TUBD1: variants seen among roughly 807,000 people sequenced by gnomAD.
TUBD1 encodes tubulin delta chain.
TUBD1 carries 38 observed loss-of-function variants against 51.2 expected under a neutral mutation model. That is an observed-to-expected ratio of 0.74 (90% CI 0.57 to 0.97). The LOEUF is 0.97. Ranked by LOEUF, TUBD1 falls within the 50% of genes least tolerant of loss-of-function variation. The pLI is 0.00. For missense variants in TUBD1, 489 were observed against 538.4 expected, an observed-to-expected ratio of 0.91 and a Z score of 0.91; for synonymous variants, 169 against 178.2, an observed-to-expected ratio of 0.95 and a Z score of 0.41.
At chr17:59,865,589 CAAGAAT>C (rs2039661307) in intron 7 of TUBD1, among the ~76,000 whole-genome samples, 1 of 151,996 alleles carries the variant, frequency 6.6e-6, no homozygotes, top group South Asian at 2.1e-4. Flanking sequence ...CACACACACA[CAAGAAT>C]AATAATGCTC....
rs909012295 is a variant in TUBD1 at position 59,861,724 on chromosome 17, G to A, written c.1260-1300C>T. ...GCACTGTTGCCTGGGCTGGAGTGCAGTGGCATCATCTTGGCTCACCACAAC... is the reference window on the plus strand; with the variant it reads ...GCACTGTTGCCTGGGCTGGAGTGCAATGGCATCATCTTGGCTCACCACAAC... On this transcript the variant is annotated intron_variant, in intron 8 of 8. Coordinates refer to ENST00000325752, the MANE Select transcript of TUBD1 (RefSeq NM_016261.4). 8.6e-4 allele frequency among the ~76,000 whole-genome samples: 131 copies of A among 151,716 alleles called. 1 individual carries two copies. The highest frequency in any genetic ancestry group is 2.1e-4 in the South Asian group (1 of 4,802).
chr17:59,871,030 T>C (rs745546936), intron 6 of TUBD1, among the ~76,000 whole-genome samples: 1 of 152,108 alleles, frequency 6.6e-6, no homozygotes, highest in Non-Finnish European at 1.5e-5. Flanking sequence ...GATAACAAAA[T>C]AGGATTGGGA....
chr17:59,880,691 T>C lies in TUBD1; in HGVS notation c.537+203A>G, dbSNP rs192923211. 7.2e-4 allele frequency among the ~76,000 whole-genome samples: 110 copies of C among 151,846 alleles called. 1 individual carries two copies. The highest frequency in any genetic ancestry group is 2.5e-3 in the African/African-American group (102 of 41,440). On this transcript the variant is annotated intron_variant, in intron 4 of 8. Transcript: ENST00000325752. ...CACCACGCCTGGCTAATTTTTTGTA[T>C]TGTTAGTAGAGACGGGGTTTCACCA...
At chr17:59,863,878 T>C in intron 7 of TUBD1, 31 bp from the exon 8 acceptor site, 1 of 1,418,550 alleles carries the variant, frequency 7.0e-7, no homozygotes, top group Non-Finnish European at 9.3e-7. Flanking sequence ...GCCGTCTTTT[T>C]ATAGCATAAA....
chr17:59,860,323 CAG>C lies in TUBD1; in HGVS notation c.1359_1360del (p.Ter454IlefsTer10), dbSNP rs1446192958. 29 of 1,597,624 alleles carry C rather than the reference CAG, an allele frequency of 1.8e-5. No individual in the cohort carries two copies. The highest frequency in any genetic ancestry group is 2.5e-5 in the Non-Finnish European group (29 of 1,169,140). ...GTATACTTTTCCCATTGTTCAAGAT[CAG>C]AGATTACAGTAACTGGCAACAACCT... is the stretch of plus-strand genomic sequence containing the variant. On this transcript the variant is annotated frameshift_variant and stop_lost, in exon 9 of 9. Coordinates refer to ENST00000325752, the MANE Select transcript of TUBD1 (RefSeq NM_016261.4). LOFTEE classifies it high-confidence loss of function.
At chr17:59,862,323 CAA>C (rs61036233) in intron 8 of TUBD1, among the ~76,000 whole-genome samples, 2 of 134,948 alleles carry the variant, frequency 1.5e-5, no homozygotes, top group African/African-American at 2.6e-5. Flanking sequence ...AACTCCATCT[CAA>C]AAAAAAAAAA....
intron 1 of TUBD1, among the ~76,000 whole-genome samples, chr17:59,891,492 G>C (rs892527799): frequency 6.6e-6 from 1 of 152,132 alleles, no homozygotes; most frequent in East Asian, 1.9e-4. Context: ...GAACAGCTGT[G>C]TTGTCTAAGG....
At chr17:59,862,092 G>C (rs1240366886) in intron 8 of TUBD1, among the ~76,000 whole-genome samples, 2 of 151,376 alleles carry the variant, frequency 1.3e-5, no homozygotes, top group African/African-American at 4.8e-5. Context: ...GGGAGGCCAA[G>C]GTGGGCGGAT....
In TUBD1 at chr17:59,886,487, C is replaced by T. The variant is rs569529927; in HGVS notation, c.173-257G>A. On this transcript the variant is annotated intron_variant, in intron 2 of 8. Coordinates refer to ENST00000325752, the MANE Select transcript of TUBD1 (RefSeq NM_016261.4). ...AAAAGAGTACCTGGGTCAGATTAGC[C>T]GGCGTGGTGGCATGTGCCTGTAATT... 8 of 326,482 alleles carry T rather than the reference C, an allele frequency of 2.5e-5. No individual in the cohort carries two copies. In the East Asian group the frequency reaches 3.6e-4, roughly 15 times the overall value. 20.2% of individuals were successfully genotyped at this position (326,482 alleles called of 1,614,324 possible).
intron 7 of TUBD1, 34 bp downstream of exon 7, chr17:59,866,575 A>C: frequency 1.2e-6 from 2 of 1,611,108 alleles, no homozygotes; most frequent in South Asian, 1.1e-5. Flanking sequence ...ACAGGTACAA[A>C]ATGTAAATCT....
chr17:59,886,490 C>T (rs1312905177), intron 2 of TUBD1: 5 of 317,228 alleles, frequency 1.6e-5, no homozygotes, highest in South Asian at 1.1e-4. Context: ...GATTAGCCGG[C>T]GTGGTGGCAT....
In TUBD1 at chr17:59,878,490, T is replaced by C. The variant is rs77278679; in HGVS notation, c.538-156A>G. 174 of 104,844 alleles carry C rather than the reference T, an allele frequency of 1.7e-3. 3 individuals are homozygous for C. In the East Asian group the frequency reaches 0.021, roughly 13 times the overall value. The allele number at this position is 104,844 out of a possible 1,614,324, so 6.5% of individuals were successfully genotyped here. A position where few individuals can be genotyped will look rare whatever the true frequency, so the allele number is the denominator to read the frequency against. On this transcript the variant is annotated intron_variant, in intron 4 of 8. Coordinates refer to ENST00000325752, the MANE Select transcript of TUBD1 (RefSeq NM_016261.4). ...TTTTTAATCTCTATGCTCAGTTTCC[T>C]TTTTTTTTTTTTTTTTGAGATAGAG...
At chr17:59,888,083 C>T (rs547672970) in intron 2 of TUBD1, among the ~76,000 whole-genome samples, 7 of 152,170 alleles carry the variant, frequency 4.6e-5, no homozygotes, top group East Asian at 1.9e-4. Context: ...TACAGGCACC[C>T]GCCACCACGC....
At chr17:59,861,346 G>A (rs7224678) in intron 8 of TUBD1, among the ~76,000 whole-genome samples, 10,318 of 151,180 alleles carry the variant, frequency 0.068, 1,121 homozygotes, top group African/African-American at 0.23. Flanking sequence ...TTACAGGTGC[G>A]TACCACCACA....
At chr17:59,885,009 G>A (rs982733743) in intron 3 of TUBD1, 1 of 286,910 alleles carries the variant, frequency 3.5e-6, no homozygotes, top group Non-Finnish European at 6.8e-6. Flanking sequence ...AAATGTGAAG[G>A]TGAAGATGGC....
At chr17:59,880,551 A>G (rs1429348157) in intron 4 of TUBD1, among the ~76,000 whole-genome samples, 2 of 151,488 alleles carry the variant, frequency 1.3e-5, no homozygotes, top group Non-Finnish European at 2.9e-5. Flanking sequence ...GTCTTGCTCT[A>G]TTGCCCAGGC....
intron 6 of TUBD1, among the ~76,000 whole-genome samples, chr17:59,872,900 C>G (rs2040059137): frequency 6.6e-6 from 1 of 151,848 alleles, no homozygotes; most frequent in African/African-American, 2.4e-5. Context: ...CCAGGAATTA[C>G]AGGCGACTGC....
intron 3 of TUBD1, among the ~76,000 whole-genome samples, chr17:59,883,474 G>A (rs1568321272): frequency 6.6e-6 from 1 of 152,014 alleles, no homozygotes; most frequent in Non-Finnish European, 1.5e-5. Context: ...TACCATGTTG[G>A]CCAGGCTGGT....
intron 3 of TUBD1, chr17:59,884,924 TAAAAAA>T (rs576145633): frequency 2.7e-5 from 5 of 186,372 alleles, no homozygotes; most frequent in African/African-American, 1.2e-4. Flanking sequence ...CTCTGTCTCT[TAAAAAA>T]AAAAACACCA....
Sources: gnomAD v4.1 joint callset for allele counts (sites outside exome capture counted in the v4.1 genomes callset) on GRCh38, gnomAD v4.1.1 for gene constraint, MANE v1.5 for transcripts, NCBI Gene and HGNC (gene_info 2026-07-23, HGNC 2026-07-21) for gene names.